The following TRPM6 variants were observed in gnomAD, a reference collection of about 807,000 sequenced individuals.
TRPM6 encodes transient receptor potential cation channel subfamily M member 6.
Under a neutral mutation model 247.6 loss-of-function variants are expected in TRPM6, and 111 were observed. The observed-to-expected ratio is 0.45, with a 90% CI of 0.38 to 0.52. The LOEUF is 0.52. TRPM6 is among the 20% of genes least tolerant of loss of function. TRPM6 has a pLI of 0.00. For missense variants in TRPM6, 2,126 were observed against 2,421.5 expected (o/e 0.88, Z 2.56); for synonymous variants, 892 against 853.8 (o/e 1.04, Z -0.78).
At chr9:74,729,716 G>C (rs1241483342) in intron 37 of TRPM6, among the ~76,000 whole-genome samples, 3 of 152,202 alleles carry the variant, frequency 2.0e-5, no homozygotes, top group Middle Eastern at 6.3e-3. Flanking sequence ...TCAGCATTTA[G>C]ACCAGGATTC....
chr9:74,853,318 G>C (rs1171736155), intron 3 of TRPM6, among the ~76,000 whole-genome samples: 1 of 150,874 alleles, frequency 6.6e-6, no homozygotes, highest in Non-Finnish European at 1.5e-5. Context: ...CGGGAGGTTG[G>C]GGGGCGCCTC....
chr9:74,854,585 CCTT>C (rs1218985183), intron 3 of TRPM6, among the ~76,000 whole-genome samples: 2 of 152,174 alleles, frequency 1.3e-5, no homozygotes, highest in Non-Finnish European at 2.9e-5. Context: ...GCAACCTCCT[CCTT>C]CTTCTCGTTC....
chr9:74,803,693 G>T (rs1281947059), intron 15 of TRPM6, 101 bp downstream of exon 15: 11 of 851,454 alleles, frequency 1.3e-5, no homozygotes, highest in Non-Finnish European at 2.1e-5. Context: ...CTTATAAATG[G>T]TCCCTCTATT....
chr9:74,869,285 A>G (rs1197078779), intron 1 of TRPM6, among the ~76,000 whole-genome samples: 1 of 152,004 alleles, frequency 6.6e-6, no homozygotes, highest in Non-Finnish European at 1.5e-5. Flanking sequence ...CCTGACTAAC[A>G]TGGTGAAACC....
intron 1 of TRPM6, chr9:74,875,195 A>G (rs1057252738): frequency 4.4e-6 from 2 of 453,026 alleles, no homozygotes; most frequent in African/African-American, 2.0e-5. Flanking sequence ...CTGATAAAAC[A>G]CTGGAATTCA....
intron 19 of TRPM6, among the ~76,000 whole-genome samples, chr9:74,789,960 C>CAAAAAA (rs71368680): frequency 7.7e-5 from 5 of 65,112 alleles, no homozygotes; most frequent in Admixed American, 2.2e-4. Context: ...GACTCCATCT[C>CAAAAAA]AAAAAAAAAA....
intron 27 of TRPM6, among the ~76,000 whole-genome samples, chr9:74,755,952 C>G (rs1826416914): frequency 1.3e-5 from 2 of 152,200 alleles, no homozygotes; most frequent in African/African-American, 4.8e-5. Context: ...TTGGGAAAAT[C>G]ACTTAATGTC....
intron 5 of TRPM6, among the ~76,000 whole-genome samples, chr9:74,836,982 T>C (rs1200796459): frequency 6.6e-6 from 1 of 152,226 alleles, no homozygotes; most frequent in Admixed American, 6.5e-5. Context: ...AACAGTTCCT[T>C]TGAATCTCAA....
chr9:74,751,278 T>C (rs934682671), intron 29 of TRPM6, among the ~76,000 whole-genome samples: 1 of 152,230 alleles, frequency 6.6e-6, no homozygotes, highest in African/African-American at 2.4e-5. Context: ...CTTTTCATAG[T>C]TGTTATTTTT....
At chr9:74,817,187 A>G (rs1443642082) in intron 9 of TRPM6, among the ~76,000 whole-genome samples, 1 of 152,218 alleles carries the variant, frequency 6.6e-6, no homozygotes, top group Non-Finnish European at 1.5e-5. Flanking sequence ...CAGAGGAAAC[A>G]TTTATGAAAG....
chr9:74,827,604 A>C, intron 7 of TRPM6, 174 bp downstream of exon 7: 1 of 721,760 alleles, frequency 1.4e-6, no homozygotes, highest in Non-Finnish European at 2.6e-6. Flanking sequence ...TGGATTGGAT[A>C]CATGGAGGGA....
At chr9:74,877,689 G>T (rs1300607983) in intron 1 of TRPM6, among the ~76,000 whole-genome samples, 2 of 152,086 alleles carry the variant, frequency 1.3e-5, no homozygotes, top group Non-Finnish European at 2.9e-5. Flanking sequence ...CCATATTGGG[G>T]TCACCACACA....
chr9:74,785,690 T>A (rs1007355615), intron 21 of TRPM6, among the ~76,000 whole-genome samples, 184 bp downstream of exon 21: 4 of 150,110 alleles, frequency 2.7e-5, no homozygotes, highest in Admixed American at 2.6e-4. Flanking sequence ...GCCCGGCTAA[T>A]TTTTTTGTAT....
chr9:74,823,328 G>C (rs1270413948), intron 7 of TRPM6, among the ~76,000 whole-genome samples: 3 of 152,132 alleles, frequency 2.0e-5, no homozygotes, highest in African/African-American at 7.2e-5. Flanking sequence ...AAAAATCCAA[G>C]GTTTCCAAAC....
At chr9:74,741,476 G>C (rs1325019957) in intron 33 of TRPM6, among the ~76,000 whole-genome samples, 1 of 151,878 alleles carries the variant, frequency 6.6e-6, no homozygotes, top group East Asian at 1.9e-4. Context: ...ATTTATTCTT[G>C]GTGCCCAGAT....
intron 1 of TRPM6, among the ~76,000 whole-genome samples, chr9:74,887,005 A>C (rs1057482791): frequency 3.9e-5 from 6 of 152,246 alleles, no homozygotes; most frequent in African/African-American, 1.4e-4. Context: ...GAGAAAGTCC[A>C]GACAAAATAG....
chr9:74,886,027 A>C (rs1388891859), intron 1 of TRPM6, among the ~76,000 whole-genome samples: 1 of 152,246 alleles, frequency 6.6e-6, no homozygotes, highest in Non-Finnish European at 1.5e-5. Context: ...TATCCAAAAA[A>C]TTAACTATGA....
rs144620271 is a variant in TRPM6, at chr9:74,767,916, C to T, written c.3536+3787G>A. On this transcript the variant is annotated intron_variant, in intron 25 of 38. Transcript: ENST00000360774. Reference sequence around the variant, plus strand: ...GCTTGAGCCCAGGATTTCAAGGGTGCATGAGCTCTGATCACTCTATCTAAA... The same window carrying T: ...GCTTGAGCCCAGGATTTCAAGGGTGTATGAGCTCTGATCACTCTATCTAAA... Among the ~76,000 whole-genome samples, 54 of 152,260 alleles carry T rather than the reference C, an allele frequency of 3.5e-4. No homozygotes were observed. The East Asian group carries it at 8.7e-3, about 24-fold the overall frequency.
Position 74,739,919 on chromosome 9 carries a change from G to T in TRPM6, c.5291C>A (p.Ala1764Glu). ...SMSSWSQRGR[A>E]AMIQVLSREE... ...TCGGGACAATACCTGGATCATTGCC[G>T]CTCTCCCACGCTGAGACCAAGAGGA... The change falls in exon 34 of 39, where the codon GCG becomes GAG. Residue 1764 changes from alanine to glutamate, a missense_variant. Physicochemically the swap from Ala to Glu is moderately radical, Grantham distance 107. This residue lies in a region of TRPM6 where 327 missense variants were observed against 397.7 expected (regional missense o/e 0.82). Coordinates refer to ENST00000360774, the MANE Select transcript of TRPM6 (RefSeq NM_017662.5). 2 of 1,614,048 alleles carry T rather than the reference G, an allele frequency of 1.2e-6. No individual in the cohort carries two copies. Among genetic ancestry groups the T allele is most frequent in the Non-Finnish European group, 1.7e-6 (2 of 1,180,014 alleles).
Sources: gnomAD v4.1 joint callset for allele counts (sites outside exome capture counted in the v4.1 genomes callset) on GRCh38, gnomAD v4.1.1 for gene constraint, gnomAD v4.1.1 regional missense constraint, MANE v1.5 for transcripts, NCBI Gene and HGNC (gene_info 2026-07-23, HGNC 2026-07-21) for gene names.